The following TMEM132D variants were observed in gnomAD, a reference collection of about 807,000 sequenced individuals.
The protein encoded by TMEM132D is transmembrane protein 132D, also known as mature OL transmembrane protein.
Under a neutral mutation model 62.3 loss-of-function variants are expected in TMEM132D, and 21 were observed. That is an observed-to-expected ratio of 0.34 (90% CI 0.24 to 0.49). The LOEUF (loss-of-function observed/expected upper bound fraction) is 0.49, where lower values mean the gene tolerates loss of function less well. TMEM132D is among the 20% of genes least tolerant of loss of function. The pLI, the probability that TMEM132D is intolerant of heterozygous loss-of-function variation, is 0.99. For missense variants in TMEM132D, 1,346 were observed against 1,402.8 expected (o/e 0.96, Z 0.65); for synonymous variants, 621 against 575.6 (o/e 1.08, Z -1.13).
At chr12:129,743,345 T>C (rs1183532775) in intron 1 of TMEM132D, among the ~76,000 whole-genome samples, 1 of 152,218 alleles carries the variant, frequency 6.6e-6, no homozygotes, top group Non-Finnish European at 1.5e-5. Context: ...TAGTGGCAGT[T>C]ACCCCCATGC....
intron 2 of TMEM132D, among the ~76,000 whole-genome samples, chr12:129,691,259 T>C (rs1881054924): frequency 6.6e-6 from 1 of 151,836 alleles, no homozygotes; most frequent in African/African-American, 2.4e-5. Context: ...TAATCTAAAA[T>C]TAATTAGTGT....
At chr12:129,875,298 T>C (rs34765047) in intron 1 of TMEM132D, among the ~76,000 whole-genome samples, 4,266 of 152,296 alleles carry the variant, frequency 0.028, 83 homozygotes, top group Non-Finnish European at 0.04. Flanking sequence ...TGATGTCCGA[T>C]GGCCTCACAA....
chr12:129,138,357 CAA>C (rs1238342921), intron 5 of TMEM132D, among the ~76,000 whole-genome samples: 2 of 152,162 alleles, frequency 1.3e-5, no homozygotes, highest in Admixed American at 6.5e-5. Context: ...CTTCAATTTG[CAA>C]AGTCTGCAAT....
At chr12:129,553,912 C>A (rs1169499077) in intron 2 of TMEM132D, among the ~76,000 whole-genome samples, 1 of 152,166 alleles carries the variant, frequency 6.6e-6, no homozygotes, top group Non-Finnish European at 1.5e-5. Context: ...CCATGCTTTG[C>A]GTATGTCCAA....
rs572661938 is a variant in TMEM132D, at chr12:129,381,452, C to T, written c.1116-43635G>A. Among the ~76,000 whole-genome samples the T allele has an allele frequency of 4.4e-4, 67 of 152,248 alleles. 1 individual carries two copies. The South Asian group carries it at 0.013, about 31-fold the overall frequency. On this transcript the variant is annotated intron_variant, in intron 3 of 8. Transcript: ENST00000422113. ...CTTTTCACTGTAATCAGGTTTGGGA[C>T]ATCCTTTTTGTTTTTAAAACTTTAC...
chr12:129,817,104 T>G (rs993291689), intron 1 of TMEM132D, among the ~76,000 whole-genome samples: 17 of 152,252 alleles, frequency 1.1e-4, no homozygotes, highest in African/African-American at 3.4e-4. Context: ...GCTGGTATAA[T>G]GCATGAAATC....
chr12:129,181,670 C>T (rs769408759), intron 5 of TMEM132D, among the ~76,000 whole-genome samples: 4 of 152,180 alleles, frequency 2.6e-5, no homozygotes, highest in Non-Finnish European at 4.4e-5. Context: ...AGAGTCCAGG[C>T]TCTTTTTTCC....
chr12:129,433,799 C>A (rs572690053), intron 3 of TMEM132D, among the ~76,000 whole-genome samples: 1 of 152,274 alleles, frequency 6.6e-6, no homozygotes, highest in African/African-American at 2.4e-5. Flanking sequence ...GGAGGGGACA[C>A]ACGGAGATGG....
intron 2 of TMEM132D, among the ~76,000 whole-genome samples, chr12:129,544,215 ATTTTTG>A (rs1876670869): frequency 6.6e-6 from 1 of 152,086 alleles, no homozygotes; most frequent in Admixed American, 6.6e-5. Flanking sequence ...TTATCTTTGA[ATTTTTG>A]TTTTTAAGTT....
intron 3 of TMEM132D, among the ~76,000 whole-genome samples, chr12:129,502,504 G>T (rs1209848413): frequency 6.6e-6 from 1 of 152,002 alleles, no homozygotes; most frequent in Non-Finnish European, 1.5e-5. Context: ...TACATGAAAA[G>T]TCTTGGAAAA....
At chr12:129,380,090 G>T (rs935372658) in intron 3 of TMEM132D, among the ~76,000 whole-genome samples, 6 of 152,052 alleles carry the variant, frequency 3.9e-5, no homozygotes, top group Admixed American at 3.3e-4. Flanking sequence ...CATAACTTTT[G>T]TCTTATTGGT....
At chr12:129,582,084 T>C (rs1877880495) in intron 2 of TMEM132D, among the ~76,000 whole-genome samples, 1 of 152,184 alleles carries the variant, frequency 6.6e-6, no homozygotes, top group Non-Finnish European at 1.5e-5. Flanking sequence ...AGGTTTTCTC[T>C]GGTTTTATTT....
chr12:129,200,960 T>G (rs143216147), intron 5 of TMEM132D, among the ~76,000 whole-genome samples: 1,838 of 152,346 alleles, frequency 0.012, 32 homozygotes, highest in Non-Finnish European at 0.013. Context: ...GATTCCACTT[T>G]GATCCACCTT....
chr12:129,550,396 C>A (rs566126169), intron 2 of TMEM132D, among the ~76,000 whole-genome samples: 1 of 152,176 alleles, frequency 6.6e-6, no homozygotes, highest in Admixed American at 6.5e-5. Context: ...TCTCTGATTG[C>A]CCCTCTGAAA....
At chr12:129,159,621 C>T (rs1280905575) in intron 5 of TMEM132D, among the ~76,000 whole-genome samples, 1 of 151,844 alleles carries the variant, frequency 6.6e-6, no homozygotes, top group Non-Finnish European at 1.5e-5. Context: ...ATTAGCCAGG[C>T]ATGGTAGTGC....
chr12:129,293,767 T>C (rs995934652), intron 4 of TMEM132D, among the ~76,000 whole-genome samples: 1 of 151,998 alleles, frequency 6.6e-6, no homozygotes, highest in Non-Finnish European at 1.5e-5. Context: ...TGACAGGAGG[T>C]AGAGCTTGGG....
rs1433262027 is a variant in TMEM132D, at chr12:129,732,421, TC to T, written c.80-31724del. Among the ~76,000 whole-genome samples, 8 of 152,248 alleles carry T rather than the reference TC, an allele frequency of 5.3e-5. No homozygotes were observed. The East Asian group carries it at 1.2e-3, about 22-fold the overall frequency. Reference sequence around the variant, plus strand: ...ACCCAAACCTCACGTTGAATTGGCATCCCCAGTGCTGGAGGTATGACCTGGT... The same window carrying T: ...ACCCAAACCTCACGTTGAATTGGCATCCCAGTGCTGGAGGTATGACCTGGT... On this transcript the variant is annotated intron_variant, in intron 1 of 8. Transcript: ENST00000422113.
chr12:129,769,612 T>A (rs936669092), intron 1 of TMEM132D, among the ~76,000 whole-genome samples: 1 of 152,082 alleles, frequency 6.6e-6, no homozygotes, highest in African/African-American at 2.4e-5. Flanking sequence ...GCAGCCTTGT[T>A]GAAGAGACGG....
At chr12:129,772,264 T>C (rs1221349915) in intron 1 of TMEM132D, among the ~76,000 whole-genome samples, 1 of 152,194 alleles carries the variant, frequency 6.6e-6, no homozygotes, top group Non-Finnish European at 1.5e-5. Context: ...TTGATTAAGA[T>C]ATGCATCAAA....
Sources: allele counts gnomAD v4.1 joint callset (sites outside exome capture counted in the v4.1 genomes callset), GRCh38; gene constraint gnomAD v4.1.1; transcripts MANE v1.5; gene names NCBI Gene and HGNC (gene_info 2026-07-23, HGNC 2026-07-21).